GLIS3: variants seen among roughly 807,000 people sequenced by gnomAD.
GLIS3 encodes the protein GLIS family zinc finger 3, also known as zinc finger protein GLIS3.
Under a neutral mutation model 78.6 loss-of-function variants are expected in GLIS3, and 53 were observed. That is an observed-to-expected ratio of 0.67 (90% CI 0.54 to 0.85). GLIS3 has a LOEUF of 0.85. GLIS3 is among the 40% of genes least tolerant of loss of function. The pLI is 0.00. For missense variants in GLIS3, 1,703 were observed against 1,231.1 expected (o/e 1.38, Z -5.74); for synonymous variants, 684 against 509.9 (o/e 1.34, Z -4.60).
chr9:4,402,806 G>C, the GLIS3 span, among the ~76,000 whole-genome samples: 495 of 152,142 alleles, frequency 3.3e-3, 4 homozygotes, highest in Non-Finnish European at 3.3e-3. Flanking sequence ...AAACAAGGAA[G>C]CATGCCTAGA....
At position 4,244,531 on chromosome 9, in the gene GLIS3, C is replaced by T. The variant is rs533171900; in HGVS notation, c.388+41507G>A. On this transcript the variant is annotated intron_variant, in intron 2 of 10. Coordinates refer to ENST00000381971, the MANE Select transcript of GLIS3 (RefSeq NM_001042413.2). The stretch of plus-strand genomic sequence containing the variant: ...GTGAACTGCTTTTTTAAAACTGCTG[C>T]TGAATCAGATGTGAGGTAGATATCT... 1.4e-4 allele frequency among the ~76,000 whole-genome samples: 22 copies of T among 152,204 alleles called. No individual in the cohort carries two copies. The East Asian group carries it at 4.0e-3, about 28-fold the overall frequency.
intron 2 of GLIS3, among the ~76,000 whole-genome samples, chr9:4,245,974 G>A (rs1823768464): frequency 6.6e-6 from 1 of 152,094 alleles, no homozygotes; most frequent in Admixed American, 6.5e-5. Context: ...TCAGAGAAAA[G>A]TAATTCTCGG....
intron 7 of GLIS3, among the ~76,000 whole-genome samples, 195 bp from the exon 8 acceptor site, chr9:3,879,790 C>T (rs1458436504): frequency 1.3e-5 from 2 of 152,130 alleles, no homozygotes; most frequent in Non-Finnish European, 2.9e-5. Flanking sequence ...CCGGAGCTCA[C>T]GTCTGGCTCG....
At chr9:4,211,547 G>A (rs1439202599) in intron 2 of GLIS3, among the ~76,000 whole-genome samples, 1 of 152,252 alleles carries the variant, frequency 6.6e-6, no homozygotes, top group Non-Finnish European at 1.5e-5. Flanking sequence ...TAGCCCTGAA[G>A]GCTAAGGGCT....
In GLIS3 at chr9:4,277,233, T is replaced by C. The variant is rs188856430; in HGVS notation, c.388+8805A>G. 3.9e-5 allele frequency among the ~76,000 whole-genome samples: 6 copies of C among 152,328 alleles called. No individual in the cohort carries two copies. The East Asian group carries it at 1.2e-3, about 29-fold the overall frequency. On this transcript the variant is annotated intron_variant, in intron 2 of 10. Coordinates refer to ENST00000381971, the MANE Select transcript of GLIS3 (RefSeq NM_001042413.2). ...ATAAACCTAAGTAAAGGAAATACTT[T>C]TCCTAAGTATAGGAAAGTAACATTT... is the stretch of plus-strand genomic sequence containing the variant.
intron 4 of GLIS3, among the ~76,000 whole-genome samples, chr9:4,010,444 C>A (rs1821910578): frequency 6.6e-6 from 1 of 152,274 alleles, no homozygotes; most frequent in East Asian, 1.9e-4. Context: ...CAGGAATACT[C>A]CATATCTCCA....
rs1055761021 is a variant in GLIS3 at position 4,330,351 on chromosome 9, C to G, written n.264+16730G>C. On this transcript the variant is annotated intron_variant and non_coding_transcript_variant, in intron 2 of 4. Coordinates refer to the GLIS3 transcript ENST00000471664. The stretch of plus-strand genomic sequence containing the variant: ...AGTCTCTGATTCAATAGGTCTGGCA[C>G]AGGCCCTGCGAGTTGGCACTGCTAA... Among the ~76,000 whole-genome samples the G allele has an allele frequency of 2.6e-5, 4 of 152,266 alleles. No individual in the cohort carries two copies. The South Asian group carries it at 6.2e-4, about 24-fold the overall frequency.
intron 4 of GLIS3, among the ~76,000 whole-genome samples, chr9:3,969,200 A>C (rs538385089): frequency 9.9e-5 from 15 of 152,236 alleles, no homozygotes; most frequent in Non-Finnish European, 1.5e-4. Flanking sequence ...GAAGAAGGTA[A>C]AACAGACGAT....
chr9:4,154,861 C>T (rs972107430), intron 2 of GLIS3, among the ~76,000 whole-genome samples: 1 of 152,058 alleles, frequency 6.6e-6, no homozygotes. Flanking sequence ...TTTGGTACAA[C>T]GTAAGTTCAG....
intron 6 of GLIS3, among the ~76,000 whole-genome samples, chr9:3,922,329 AAGAT>A (rs1225980200): frequency 2.6e-5 from 4 of 152,220 alleles, no homozygotes; most frequent in Non-Finnish European, 5.9e-5. Context: ...AATATATAGA[AAGAT>A]AGGCACCAAA....
chr9:3,971,026 C>T (rs1481893891), intron 4 of GLIS3, among the ~76,000 whole-genome samples: 3 of 146,944 alleles, frequency 2.0e-5, no homozygotes, highest in African/African-American at 5.1e-5. Context: ...AAGGGAGGAT[C>T]GATCAAAGGA....
chr9:4,449,941 T>C, the GLIS3 span, among the ~76,000 whole-genome samples: 1 of 152,148 alleles, frequency 6.6e-6, no homozygotes, highest in Non-Finnish European at 1.5e-5. Context: ...CCTCTTCTCC[T>C]CCAAAGGATC....
intron 2 of GLIS3, chr9:4,152,016 G>A (rs1834724370): frequency 3.9e-6 from 1 of 258,244 alleles, no homozygotes; most frequent in Non-Finnish European, 6.0e-6. Context: ...GTTTGCACAG[G>A]TCTTGTATGA....
chr9:4,121,304 A>C (rs1189246110), intron 3 of GLIS3, among the ~76,000 whole-genome samples: 1 of 152,218 alleles, frequency 6.6e-6, no homozygotes, highest in Non-Finnish European at 1.5e-5. Flanking sequence ...ATGTGTCTTA[A>C]ATGTAGTTAA....
In GLIS3 at chr9:4,220,405, T is replaced by C. The variant is rs1821221604; in HGVS notation, c.388+65633A>G. 2.6e-5 allele frequency among the ~76,000 whole-genome samples: 4 copies of C among 152,186 alleles called. No individual in the cohort carries two copies. The South Asian group carries it at 8.3e-4, about 32-fold the overall frequency. On this transcript the variant is annotated intron_variant, in intron 2 of 10. Coordinates refer to ENST00000381971, the MANE Select transcript of GLIS3 (RefSeq NM_001042413.2). ...GGCACGAAATCTTTATTAATTAACT[T>C]CACAGTAGAGAAAACTGGCACACAG...
chr9:3,947,080 C>A (rs997429629), intron 4 of GLIS3, among the ~76,000 whole-genome samples: 3 of 152,172 alleles, frequency 2.0e-5, no homozygotes, highest in African/African-American at 7.2e-5. Context: ...GGACTCCAAT[C>A]CAGTGTCCCA....
chr9:4,166,693 C>A (rs937663003), intron 2 of GLIS3, among the ~76,000 whole-genome samples: 2 of 152,230 alleles, frequency 1.3e-5, no homozygotes, highest in African/African-American at 4.8e-5. Context: ...TATAATTTCA[C>A]TTAAGGATTC....
chr9:4,469,945 G>A, the GLIS3 span, among the ~76,000 whole-genome samples: 2 of 151,854 alleles, frequency 1.3e-5, no homozygotes, highest in East Asian at 1.9e-4. Flanking sequence ...AATGATAAAG[G>A]GGATATCACC....
the GLIS3 span, among the ~76,000 whole-genome samples, chr9:4,452,746 AAAGT>A: frequency 1.5e-3 from 225 of 152,358 alleles, 1 homozygote; most frequent in Admixed American, 2.5e-3. Flanking sequence ...CATACTATCC[AAAGT>A]AATTTACAGA....
Sources: gnomAD v4.1 joint callset for allele counts (sites outside exome capture counted in the v4.1 genomes callset) on GRCh38, gnomAD v4.1.1 for gene constraint, MANE v1.5 for transcripts, NCBI Gene and HGNC (gene_info 2026-07-23, HGNC 2026-07-21) for gene names.